Variants in KLF13 observed in about 807,000 individuals in gnomAD.
The protein encoded by KLF13 is Krueppel-like factor 13.
KLF13 carries 8 observed loss-of-function variants against 16.7 expected under a neutral mutation model. The ratio of observed to expected loss-of-function variants is 0.48; its 90% CI spans 0.28 to 0.87. KLF13 has a LOEUF of 0.87. KLF13 is among the 40% of genes least tolerant of loss of function. The pLI is 0.10. For missense variants in KLF13, 447 were observed against 452.2 expected, an observed-to-expected ratio of 0.99 and a Z score of 0.10; for synonymous variants, 245 against 208.4, an observed-to-expected ratio of 1.18 and a Z score of -1.51.
chr15:31,364,730 C>T, intron 1 of KLF13, among the ~76,000 whole-genome samples: 1 of 152,246 alleles, frequency 6.6e-6, no homozygotes, highest in East Asian at 1.9e-4. Context: ...AGCTGAATGA[C>T]AGCTCACTCT....
At chr15:31,414,103 T>C (rs1161604833) in intron 1 of KLF13, among the ~76,000 whole-genome samples, 1 of 152,168 alleles carries the variant, frequency 6.6e-6, no homozygotes, top group Non-Finnish European at 1.5e-5. Context: ...AACAGGGCTG[T>C]ATAGGAATAG....
intron 1 of KLF13, among the ~76,000 whole-genome samples, chr15:31,330,957 T>A (rs951461594): frequency 1.1e-4 from 16 of 152,196 alleles, no homozygotes; most frequent in Non-Finnish European, 2.1e-4. Flanking sequence ...TCACCTTCGA[T>A]AGGTCAGGCT....
At chr15:31,384,691 C>A (rs991563729) in intron 1 of KLF13, among the ~76,000 whole-genome samples, 3 of 152,166 alleles carry the variant, frequency 2.0e-5, no homozygotes, top group Non-Finnish European at 2.9e-5. Context: ...TTTGGACATA[C>A]CCCAAATGCC....
intron 1 of KLF13, among the ~76,000 whole-genome samples, chr15:31,341,652 T>C (rs1359855205): frequency 6.6e-6 from 1 of 151,344 alleles, no homozygotes; most frequent in Non-Finnish European, 1.5e-5. Context: ...TCTTCACAGC[T>C]CAGCCTGCCA....
At chr15:31,408,287 G>A (rs1169473662), downstream of KLF13, among the ~76,000 whole-genome samples, 1 of 152,138 alleles carries the variant, frequency 6.6e-6, no homozygotes, top group African/African-American at 2.4e-5. Context: ...TTCTCACCAG[G>A]TAGTCACAGA....
intron 2 of KLF13, among the ~76,000 whole-genome samples, chr15:31,394,946 T>C (rs996387086): frequency 1.3e-5 from 2 of 152,138 alleles, no homozygotes; most frequent in African/African-American, 4.8e-5. Context: ...GTTTCATCCA[T>C]GTTGTATCAT....
chr15:31,406,256 C>T (rs568979487), downstream of KLF13, among the ~76,000 whole-genome samples: 9 of 152,140 alleles, frequency 5.9e-5, no homozygotes, highest in Non-Finnish European at 1.3e-4. Flanking sequence ...GCAGGCGGAT[C>T]ACCTGAGGTC....
chr15:31,342,843 T>G (rs1401849894), intron 1 of KLF13, among the ~76,000 whole-genome samples: 12 of 152,232 alleles, frequency 7.9e-5, no homozygotes, highest in African/African-American at 2.2e-4. Context: ...CCTTTCCTGC[T>G]TTATTTCCGT....
intron 1 of KLF13, among the ~76,000 whole-genome samples, chr15:31,329,602 C>T (rs1193005857): frequency 2.0e-5 from 3 of 152,180 alleles, no homozygotes; most frequent in Admixed American, 1.3e-4. Context: ...CCGCGCGAGC[C>T]TCTTGACTAG....
chr15:31,332,501 CA>C (rs2038850178), intron 1 of KLF13, among the ~76,000 whole-genome samples: 1 of 152,136 alleles, frequency 6.6e-6, no homozygotes, highest in Non-Finnish European at 1.5e-5. Context: ...GCGCCATCTC[CA>C]CTCCCCCCTT....
chr15:31,381,156 T>C (rs1264618438), downstream of KLF13, among the ~76,000 whole-genome samples: 2 of 120,744 alleles, frequency 1.7e-5, no homozygotes, highest in African/African-American at 6.2e-5. Context: ...TGGGCGACAG[T>C]GCAAGACTCT....
At chr15:31,338,207 T>C (rs1313081097) in intron 1 of KLF13, among the ~76,000 whole-genome samples, 1 of 152,230 alleles carries the variant, frequency 6.6e-6, no homozygotes, top group Non-Finnish European at 1.5e-5. Context: ...TTCCCTGATC[T>C]TCCTAGTTGC....
chr15:31,330,620 C>G (rs1423850938), intron 1 of KLF13, among the ~76,000 whole-genome samples: 1 of 152,208 alleles, frequency 6.6e-6, no homozygotes, highest in East Asian at 1.9e-4. Context: ...TGATTTTCCA[C>G]CCCCACTCTC....
intron 1 of KLF13, among the ~76,000 whole-genome samples, chr15:31,410,417 G>A (rs1158900652): frequency 6.6e-6 from 1 of 152,080 alleles, no homozygotes; most frequent in East Asian, 1.9e-4. Context: ...TTTAAATTGA[G>A]AGGGACTAAA....
Position 31,345,002 on chromosome 15 carries a change from T to C in KLF13, c.577+17213T>C, listed in dbSNP as rs181517827. ...GCCAGGGAGTGTGAGCTGTTGCAGT[T>C]TGGGGCAGGTGCCTTCCAGGCTCTG... On this transcript the variant is annotated intron_variant, in intron 1 of 1. Transcript: ENST00000307145. 1.8e-4 allele frequency among the ~76,000 whole-genome samples: 27 copies of C among 152,190 alleles called. 1 individual carries two copies. In the East Asian group the frequency reaches 3.9e-3, roughly 22 times the overall value.
intron 1 of KLF13, among the ~76,000 whole-genome samples, chr15:31,353,386 C>T (rs2039247487): frequency 6.7e-6 from 1 of 149,186 alleles, no homozygotes; most frequent in Admixed American, 6.7e-5. Context: ...GTAGAGGGCC[C>T]CCTTGTGAAG....
At chr15:31,348,374 A>G (rs2039160296) in intron 1 of KLF13, among the ~76,000 whole-genome samples, 1 of 152,236 alleles carries the variant, frequency 6.6e-6, no homozygotes, top group Non-Finnish European at 1.5e-5. Context: ...GTACGTAGGC[A>G]CACACGCACG....
chr15:31,421,281 T>C (rs1423117911), intron 1 of KLF13, among the ~76,000 whole-genome samples: 1 of 152,088 alleles, frequency 6.6e-6, no homozygotes, highest in African/African-American at 2.4e-5. Context: ...GTTCTTCAAG[T>C]TGAAACAAAA....
chr15:31,356,033 CT>C (rs2039295036), intron 1 of KLF13, among the ~76,000 whole-genome samples: 1 of 151,994 alleles, frequency 6.6e-6, no homozygotes, highest in Non-Finnish European at 1.5e-5. Context: ...TTTTCCTTTC[CT>C]TCTGACTTTT....
Sources: gnomAD v4.1 joint callset for allele counts (sites outside exome capture counted in the v4.1 genomes callset) on GRCh38, gnomAD v4.1.1 for gene constraint, MANE v1.5 for transcripts, NCBI Gene and HGNC (gene_info 2026-07-23, HGNC 2026-07-21) for gene names.